The following STAT1 variants were observed in gnomAD, a reference collection of about 807,000 sequenced individuals.
STAT1 encodes signal transducer and activator of transcription 1, also known as signal transducer and activator of transcription 1-alpha/beta.
Under a neutral mutation model 111.7 loss-of-function variants are expected in STAT1, and 24 were observed. That is an observed-to-expected ratio of 0.21 (90% CI 0.16 to 0.30). The LOEUF is 0.30. Among genes scored for constraint, STAT1 ranks in the 10% least tolerant of loss-of-function variants. The pLI is 1.00. For synonymous variants in STAT1, 332 were observed against 326.5 expected, an observed-to-expected ratio of 1.02 and a Z score of -0.18; for missense variants, 351 against 911.9, an observed-to-expected ratio of 0.38 and a Z score of 7.92.
chr2:191,005,404 A>G (rs981600669), intron 5 of STAT1, among the ~76,000 whole-genome samples: 1 of 152,224 alleles, frequency 6.6e-6, no homozygotes, highest in African/African-American at 2.4e-5. Context: ...CAGTGGCCCC[A>G]TAAGATTAGA....
At chr2:190,988,725 C>T (rs1276567172) in intron 12 of STAT1, among the ~76,000 whole-genome samples, 2 of 151,932 alleles carry the variant, frequency 1.3e-5, no homozygotes, top group Admixed American at 6.6e-5. Flanking sequence ...AAAAGCTAAC[C>T]GATATACCAA....
rs1338787021 is a variant in STAT1, at chr2:191,012,276, C to T, written c.-2+1249G>A. Among the ~76,000 whole-genome samples the T allele has an allele frequency of 6.6e-6, 1 of 151,844 alleles. No homozygotes were observed. Among genetic ancestry groups the T allele is most frequent in the Non-Finnish European group, 1.5e-5 (1 of 67,948 alleles). ...AAAATACAAAAAAAAATTAGCAGGG[C>T]ATGGTGGTGTGCACCTGTAGTCCCA... On this transcript the variant is annotated intron_variant, in intron 2 of 24. Transcript: ENST00000361099. This position sits in a 1 kb window ranked among gnomAD's most constrained non-coding sequence, Gnocchi z 4.0.
rs1194249011 is a variant in STAT1, at chr2:190,971,922, AG to A, written c.2239-1206del. ...GAGATGGGGTTTCACCGTGTTGGCC[AG>A]GCTGGTCTCAAACTCCTGATCGCAG... is the stretch of plus-strand genomic sequence containing the variant. On this transcript the variant is annotated intron_variant, in intron 24 of 24. Coordinates refer to ENST00000361099, the MANE Select transcript of STAT1 (RefSeq NM_007315.4). The surrounding 1 kb of genome is among the most constrained non-coding windows in gnomAD (Gnocchi z 4.1). 6.6e-6 allele frequency among the ~76,000 whole-genome samples: 1 copy of A among 152,152 alleles called. No homozygotes were observed. Among genetic ancestry groups the A allele is most frequent in the East Asian group, 1.9e-4 (1 of 5,176 alleles).
At position 190,975,947 on chromosome 2, in the gene STAT1, T is replaced by A. The variant is rs1691874816; in HGVS notation, c.2060-60A>T. The A allele has an allele frequency of 1.2e-5, 17 of 1,444,276 alleles. No individual in the cohort carries two copies. The highest frequency in any genetic ancestry group is 1.6e-5 in the Non-Finnish European group (16 of 1,028,192). 89.5% of individuals were successfully genotyped at this position (1,444,276 alleles called of 1,614,324 possible). A position where few individuals can be genotyped will look rare whatever the true frequency, so the allele number is the denominator to read the frequency against. ...ACCGAAATTCCATCAGAATACAACA[T>A]CAACTTTTCGGGGGGATTAAAGTTC... On this transcript the variant is annotated intron_variant, in intron 22 of 24. Transcript: ENST00000361099. The surrounding 1 kb of genome is among the most constrained non-coding windows in gnomAD (Gnocchi z 5.9).
In STAT1 at chr2:190,981,755, C is replaced by A. The variant is rs1692410482; in HGVS notation, c.1582+628G>T. On this transcript the variant is annotated intron_variant, in intron 18 of 24. Coordinates refer to ENST00000361099, the MANE Select transcript of STAT1 (RefSeq NM_007315.4). The surrounding 1 kb of genome is among the most constrained non-coding windows in gnomAD (Gnocchi z 4.1). Reference sequence around the variant, plus strand: ...ATTTTTAAAGAAATAGTTCAGATAGCCTCACTCACTGAAAGATCTGACCTT... The same window carrying A: ...ATTTTTAAAGAAATAGTTCAGATAGACTCACTCACTGAAAGATCTGACCTT... 6.6e-6 allele frequency among the ~76,000 whole-genome samples: 1 copy of A among 152,212 alleles called. No individual in the cohort carries two copies. Among genetic ancestry groups the A allele is most frequent in the Admixed American group, 6.5e-5 (1 of 15,280 alleles).
chr2:190,979,097 G>GA lies in STAT1; in HGVS notation c.1728-97dup, dbSNP rs1235653990. ...AACCAAGAAAATGGCTGGAATGTGA[G>GA]AAAAAAAACCTACGGTAAAAAACGT... On this transcript the variant is annotated intron_variant, in intron 20 of 24. Transcript: ENST00000361099. The surrounding 1 kb of genome is among the most constrained non-coding windows in gnomAD (Gnocchi z 5.8). 20 of 1,515,510 alleles carry GA rather than the reference G, an allele frequency of 1.3e-5. No homozygotes were observed. Among genetic ancestry groups the GA allele is most frequent in the Non-Finnish European group, 1.6e-5 (18 of 1,106,638 alleles). The allele number at this position is 1,515,510 out of a possible 1,614,324, so 93.9% of individuals were successfully genotyped here. A position where few individuals can be genotyped will look rare whatever the true frequency, so the allele number is the denominator to read the frequency against.
At position 190,975,411 on chromosome 2, in the gene STAT1, T is replaced by C; in HGVS notation, c.2135+401A>G. 3.3e-6 allele frequency: 2 copies of C among 605,610 alleles called. No homozygotes were observed. The highest frequency in any genetic ancestry group is 5.8e-6 in the Non-Finnish European group (2 of 347,196). 37.5% of individuals were successfully genotyped at this position (605,610 alleles called of 1,614,324 possible). Reference sequence around the variant, plus strand: ...GTGCTGCAGGCCAAATAACTGACAATGACATTTCCAAAATTTTTTCTACCT... The same window carrying C: ...GTGCTGCAGGCCAAATAACTGACAACGACATTTCCAAAATTTTTTCTACCT... On this transcript the variant is annotated intron_variant, in intron 23 of 24. Coordinates refer to ENST00000361099, the MANE Select transcript of STAT1 (RefSeq NM_007315.4). The surrounding 1 kb of genome is among the most constrained non-coding windows in gnomAD (Gnocchi z 5.9).
chr2:190,974,745 G>T lies in STAT1; in HGVS notation c.2238+85C>A. Reference sequence around the variant, plus strand: ...CCGCCAGGGCTCCCTCCCGCAGACAGGCCCGGGATCTGCCATGGTGCGCTC... The same window carrying T: ...CCGCCAGGGCTCCCTCCCGCAGACATGCCCGGGATCTGCCATGGTGCGCTC... On this transcript the variant is annotated intron_variant, in intron 24 of 24. Coordinates refer to ENST00000361099, the MANE Select transcript of STAT1 (RefSeq NM_007315.4). This position sits in a 1 kb window ranked among gnomAD's most constrained non-coding sequence, Gnocchi z 4.8. 2 of 1,231,582 alleles carry T rather than the reference G, an allele frequency of 1.6e-6. No homozygotes were observed. Among genetic ancestry groups the T allele is most frequent in the Non-Finnish European group, 2.4e-6 (2 of 835,818 alleles). The allele number at this position is 1,231,582 out of a possible 1,614,324, so 76.3% of individuals were successfully genotyped here.
At chr2:190,972,816 G>GGGGTGT (rs764237718) in intron 24 of STAT1, among the ~76,000 whole-genome samples, 1 of 136,420 alleles carries the variant, frequency 7.3e-6, no homozygotes, top group Admixed American at 7.3e-5. Flanking sequence ...GTGTATAGAG[G>GGGGTGT]GTGTGTGTGT....
chr2:190,989,767 C>A lies in STAT1; in HGVS notation c.1038-93G>T. On this transcript the variant is annotated intron_variant, in intron 11 of 24. Coordinates refer to ENST00000361099, the MANE Select transcript of STAT1 (RefSeq NM_007315.4). This position sits in a 1 kb window ranked among gnomAD's most constrained non-coding sequence, Gnocchi z 5.0. Reference sequence around the variant, plus strand: ...TCCCTATTAACGTTTAGATAAACTACTCCCCCTCCAGTTTTAGGGTATTAC... The same window carrying A: ...TCCCTATTAACGTTTAGATAAACTAATCCCCCTCCAGTTTTAGGGTATTAC... 2 of 872,880 alleles carry A rather than the reference C, an allele frequency of 2.3e-6. No homozygotes were observed. The highest frequency in any genetic ancestry group is 3.7e-6 in the Non-Finnish European group (2 of 547,626). The allele number at this position is 872,880 out of a possible 1,614,324, so 54.1% of individuals were successfully genotyped here. A position where few individuals can be genotyped will look rare whatever the true frequency, so the allele number is the denominator to read the frequency against.
chr2:191,004,081 T>C lies in STAT1; in HGVS notation c.373-2918A>G, dbSNP rs1205247613. On this transcript the variant is annotated intron_variant, in intron 5 of 24. Coordinates refer to ENST00000361099, the MANE Select transcript of STAT1 (RefSeq NM_007315.4). This position sits in a 1 kb window ranked among gnomAD's most constrained non-coding sequence, Gnocchi z 5.0. ...AATCTCCTGCTTCCAACTTGGGCAG[T>C]AGTCCCTCCAAGTCACTCAAACCCT... Among the ~76,000 whole-genome samples the C allele has an allele frequency of 2.6e-5, 4 of 152,182 alleles. No individual in the cohort carries two copies. The highest frequency in any genetic ancestry group is 1.5e-5 in the Non-Finnish European group (1 of 68,024).
Position 190,975,690 on chromosome 2 carries a change from C to T in STAT1, c.2135+122G>A. 6.5e-7 allele frequency: 1 copy of T among 1,528,814 alleles called. No homozygotes were observed. The allele number at this position is 1,528,814 out of a possible 1,614,324, so 94.7% of individuals were successfully genotyped here. Reference sequence around the variant, plus strand: ...AGTAACACGGGGATCTCAACAAGTTCAGCTGTGATGGCGATAGCAATTACA... The same window carrying T: ...AGTAACACGGGGATCTCAACAAGTTTAGCTGTGATGGCGATAGCAATTACA... On this transcript the variant is annotated intron_variant, in intron 23 of 24. Transcript: ENST00000361099. The surrounding 1 kb of genome is among the most constrained non-coding windows in gnomAD (Gnocchi z 5.9).
chr2:190,999,831 C>A lies in STAT1; in HGVS notation c.463-127G>T. ...AATTCCATCTCCCCCAAAAAGAGAT[C>A]TGACTTGGACAGTTCTAATCATATA... On this transcript the variant is annotated intron_variant, in intron 6 of 24. Coordinates refer to ENST00000361099, the MANE Select transcript of STAT1 (RefSeq NM_007315.4). The surrounding 1 kb of genome is among the most constrained non-coding windows in gnomAD (Gnocchi z 4.1). The A allele has an allele frequency of 1.4e-6, 1 of 704,950 alleles. No individual in the cohort carries two copies. Among genetic ancestry groups the A allele is most frequent in the Non-Finnish European group, 2.5e-6 (1 of 393,234 alleles). 43.7% of individuals were successfully genotyped at this position (704,950 alleles called of 1,614,324 possible).
Position 190,986,939 on chromosome 2 carries a change from T to C in STAT1, c.1136A>G (p.Lys379Arg). 1 of 1,614,224 alleles carries C rather than the reference T, an allele frequency of 6.2e-7. No individual in the cohort carries two copies. Among genetic ancestry groups the C allele is most frequent in the African/African-American group, 1.3e-5 (1 of 75,066 alleles). Residue 379 changes from lysine (K) to arginine (R), a missense_variant, in exon 14 of 25, where the codon AAG (lysine) becomes AGG (arginine). Coordinates refer to ENST00000361099, the MANE Select transcript of STAT1 (RefSeq NM_007315.4). The surrounding 1 kb of genome is among the most constrained non-coding windows in gnomAD (Gnocchi z 5.0). ...NERNTVKGFRKFNILGTHTKV... is the reference protein window; with the variant it reads ...NERNTVKGFRRFNILGTHTKV... ...TGTGTGCGTGCCCAAAATGTTGAAC[T>C]TCCTAAATCTATACAATATAGGAAA...
chr2:190,992,841 G>A (rs989022506), intron 10 of STAT1: 7 of 327,148 alleles, frequency 2.1e-5, no homozygotes, highest in Admixed American at 5.0e-5. Flanking sequence ...CTAGGCTGGA[G>A]AGCAATGGCG....
At position 190,996,074 on chromosome 2, in the gene STAT1, G is replaced by A. The variant is rs1341856229; in HGVS notation, c.786-855C>T. 6.6e-6 allele frequency among the ~76,000 whole-genome samples: 1 copy of A among 152,162 alleles called. No individual in the cohort carries two copies. Among genetic ancestry groups the A allele is most frequent in the African/African-American group, 2.4e-5 (1 of 41,428 alleles). On this transcript the variant is annotated intron_variant, in intron 9 of 24. Coordinates refer to ENST00000361099, the MANE Select transcript of STAT1 (RefSeq NM_007315.4). This position sits in a 1 kb window ranked among gnomAD's most constrained non-coding sequence, Gnocchi z 4.5. ...AGGAGAGACAGAGATGGGAGACAAG[G>A]CCGGGGACAGGAAGAGAGGAAGGAA...
chr2:190,987,483 A>T lies in STAT1; in HGVS notation c.1098-415T>A, dbSNP rs1444439893. Among the ~76,000 whole-genome samples, 1 of 152,238 alleles carries T rather than the reference A, an allele frequency of 6.6e-6. No individual in the cohort carries two copies. The highest frequency in any genetic ancestry group is 1.5e-5 in the Non-Finnish European group (1 of 68,044). On this transcript the variant is annotated intron_variant, in intron 12 of 24. Coordinates refer to ENST00000361099, the MANE Select transcript of STAT1 (RefSeq NM_007315.4). The surrounding 1 kb of genome is among the most constrained non-coding windows in gnomAD (Gnocchi z 4.0). ...CTTGGTGCAAGGCCCTGCACTAAGC[A>T]CTGGGGATCCAGCCAACAGCACTGC...
chr2:191,000,900 T>A lies in STAT1; in HGVS notation c.462+174A>T, dbSNP rs998588176. On this transcript the variant is annotated intron_variant, in intron 6 of 24. Coordinates refer to ENST00000361099, the MANE Select transcript of STAT1 (RefSeq NM_007315.4). The surrounding 1 kb of genome is among the most constrained non-coding windows in gnomAD (Gnocchi z 4.8). ...TAAGAGGCCATTCAAAAAGTCTATC[T>A]GGTCATTGATTTTGCCAATTTGTTT... 2.0e-5 allele frequency among the ~76,000 whole-genome samples: 3 copies of A among 152,252 alleles called. No homozygotes were observed. The highest frequency in any genetic ancestry group is 4.4e-5 in the Non-Finnish European group (3 of 68,048).
intron 2 of STAT1, 109 bp downstream of exon 2, chr2:191,013,416 C>CTT (rs961412873): frequency 2.6e-6 from 1 of 384,530 alleles, no homozygotes; most frequent in Non-Finnish European, 4.6e-6. Flanking sequence ...CTAAACATCA[C>CTT]TTTTAAACTC....
Sources: allele counts gnomAD v4.1 joint callset (sites outside exome capture counted in the v4.1 genomes callset), GRCh38; gene constraint gnomAD v4.1.1; non-coding constraint Gnocchi (gnomAD v3.1); transcripts MANE v1.5; gene names NCBI Gene and HGNC (gene_info 2026-07-23, HGNC 2026-07-21).